The following ST18 variants were observed in gnomAD, a reference collection of about 807,000 sequenced individuals.
ST18 encodes the protein suppression of tumorigenicity 18 protein.
ST18 carries 50 observed loss-of-function variants against 110.0 expected under a neutral mutation model. The observed-to-expected ratio is 0.45, with a 90% CI of 0.36 to 0.58. The LOEUF (loss-of-function observed/expected upper bound fraction) is 0.58. ST18 is among the 20% of genes least tolerant of loss of function. The probability of loss-of-function intolerance (pLI) is 0.00; values close to 1 mark genes in which losing one functional copy is unlikely to be tolerated. For synonymous variants in ST18, 461 were observed against 452.4 expected, an observed-to-expected ratio of 1.02 and a Z score of -0.24; for missense variants, 1,306 against 1,280.1, an observed-to-expected ratio of 1.02 and a Z score of -0.31.
intron 8 of ST18, among the ~76,000 whole-genome samples, chr8:52,182,776 C>A (rs1009113292): frequency 6.6e-6 from 1 of 152,032 alleles, no homozygotes; most frequent in Non-Finnish European, 1.5e-5. Context: ...AGCTCTCATG[C>A]TGCATGTTCC....
chr8:52,336,813 T>TA (rs549347510), intron 2 of ST18, among the ~76,000 whole-genome samples: 132 of 152,302 alleles, frequency 8.7e-4, no homozygotes, highest in African/African-American at 2.9e-3. Flanking sequence ...TTAATTTTTT[T>TA]AAAAAAGACC....
chr8:52,142,505 A>T (rs1248621003), intron 17 of ST18, among the ~76,000 whole-genome samples: 1 of 152,182 alleles, frequency 6.6e-6, no homozygotes, highest in African/African-American at 2.4e-5. Flanking sequence ...CCGCTAGTAC[A>T]TAACTCGTAC....
At chr8:52,126,234 G>C (rs2047015405) in intron 22 of ST18, 94 bp from the exon 23 acceptor site, 2 of 1,235,592 alleles carry the variant, frequency 1.6e-6, no homozygotes, top group Non-Finnish European at 2.3e-6. Context: ...TTGTGTTTTT[G>C]CTGCCGATTA....
At chr8:52,181,451 A>G (rs932497882) in intron 8 of ST18, among the ~76,000 whole-genome samples, 2 of 152,202 alleles carry the variant, frequency 1.3e-5, no homozygotes, top group African/African-American at 2.4e-5. Flanking sequence ...AATGGGGGTA[A>G]AAGTGTCATT....
intron 6 of ST18, among the ~76,000 whole-genome samples, chr8:52,215,555 AC>A (rs1429658776): frequency 5.3e-5 from 8 of 151,434 alleles, no homozygotes; most frequent in African/African-American, 2.0e-4. Flanking sequence ...CATAATAAAC[AC>A]CACACCAATC....
At chr8:52,166,786 A>G (rs1487793371) in intron 11 of ST18, 66 bp downstream of exon 11, 4 of 1,405,820 alleles carry the variant, frequency 2.8e-6, no homozygotes, top group Non-Finnish European at 3.7e-6. Context: ...TTGGGAGACA[A>G]AGAGGATAAC....
At chr8:52,218,451 C>T (rs1380120297) in intron 5 of ST18, among the ~76,000 whole-genome samples, 2 of 149,364 alleles carry the variant, frequency 1.3e-5, no homozygotes, top group African/African-American at 2.5e-5. Flanking sequence ...GGCATGATCT[C>T]GGCTCACTGC....
chr8:52,170,452 C>CAATAAATAAATA (rs562661652), intron 10 of ST18, among the ~76,000 whole-genome samples: 15 of 128,106 alleles, frequency 1.2e-4, no homozygotes, highest in East Asian at 7.1e-4. Context: ...ACTCAAAAAT[C>CAATAAATAAATA]AATAAATAAA....
chr8:52,374,665 TC>T (rs1831518105), intron 2 of ST18, among the ~76,000 whole-genome samples: 1 of 152,070 alleles, frequency 6.6e-6, no homozygotes, highest in African/African-American at 2.4e-5. Flanking sequence ...ATTAGCTCTT[TC>T]CCCAATGCTC....
intron 8 of ST18, among the ~76,000 whole-genome samples, chr8:52,205,148 A>G (rs1436441684): frequency 6.6e-6 from 1 of 150,664 alleles, no homozygotes; most frequent in Non-Finnish European, 1.5e-5. Flanking sequence ...GGTTGGTATA[A>G]TCACAGTTAT....
intron 2 of ST18, among the ~76,000 whole-genome samples, chr8:52,230,816 GAACTTCACC>G (rs34732475): frequency 0.97 from 147,986 of 151,930 alleles, 72,089 homozygotes; most frequent in East Asian, 1. Context: ...GGAAAGAGGC[GAACTTCACC>G]AACTTCACCA....
At chr8:52,304,852 C>G (rs553233758) in intron 2 of ST18, among the ~76,000 whole-genome samples, 1 of 152,168 alleles carries the variant, frequency 6.6e-6, no homozygotes, top group South Asian at 2.1e-4. Context: ...GGCAAGAGAG[C>G]TCTCTGGGTC....
rs1011541615 is a variant in ST18 at position 52,132,172 on chromosome 8, C to T, written c.2452G>A (p.Val818Met). The change falls in exon 22 of 26, where the codon GTG becomes ATG. Residue 818 changes from valine to methionine, a missense_variant. Physicochemically the swap from Val to Met is conservative, Grantham distance 21 (BLOSUM62 1). Coordinates refer to ENST00000689386, the MANE Select transcript of ST18 (RefSeq NM_001352837.2). The part of the protein sequence containing the change: ...EKEDPELKCP[V>M]IGCDGQGHIS... ...TGACCTTGGCCATCACACCCTATCA[C>T]AGGACATCTAGAGAGAAAGCAGAGA... The T allele has an allele frequency of 6.2e-7, 1 of 1,611,496 alleles. No homozygotes were observed. Among genetic ancestry groups the T allele is most frequent in the Admixed American group, 1.7e-5 (1 of 59,966 alleles).
chr8:52,342,455 A>G (rs1267781496), intron 2 of ST18, among the ~76,000 whole-genome samples: 1 of 152,272 alleles, frequency 6.6e-6, no homozygotes, highest in Non-Finnish European at 1.5e-5. Flanking sequence ...TATTCATTCA[A>G]CAAACATTAT....
intron 8 of ST18, among the ~76,000 whole-genome samples, chr8:52,185,348 T>G (rs2134436720): frequency 6.6e-6 from 1 of 152,288 alleles, no homozygotes. Flanking sequence ...AACTCTCCCC[T>G]TCTTTATCTA....
chr8:52,258,178 A>G (rs1339010899), intron 2 of ST18, among the ~76,000 whole-genome samples: 4 of 152,080 alleles, frequency 2.6e-5, no homozygotes, highest in African/African-American at 9.7e-5. Flanking sequence ...TGATTACTGT[A>G]GTTTTGTAGT....
At chr8:52,310,002 A>G (rs2139694070) in intron 2 of ST18, among the ~76,000 whole-genome samples, 1 of 152,344 alleles carries the variant, frequency 6.6e-6, no homozygotes, top group East Asian at 1.9e-4. Context: ...GAAATCAAGA[A>G]GTGCACATTC....
At chr8:52,250,527 T>G (rs1370280294) in intron 2 of ST18, among the ~76,000 whole-genome samples, 2 of 101,196 alleles carry the variant, frequency 2.0e-5, no homozygotes, top group African/African-American at 7.9e-5. Context: ...TACAAGTAAA[T>G]GCATAAACCC....
At chr8:52,162,235 C>A (rs1434593619) in intron 13 of ST18, among the ~76,000 whole-genome samples, 1 of 152,094 alleles carries the variant, frequency 6.6e-6, no homozygotes, top group African/African-American at 2.4e-5. Context: ...AGCCATGTTA[C>A]CATCAGTAAA....
Sources: allele counts gnomAD v4.1 joint callset (sites outside exome capture counted in the v4.1 genomes callset), GRCh38; gene constraint gnomAD v4.1.1; transcripts MANE v1.5; gene names NCBI Gene and HGNC (gene_info 2026-07-23, HGNC 2026-07-21).